TENM1: variants seen among roughly 807,000 people sequenced by gnomAD.
TENM1 encodes teneurin transmembrane protein 1.
Under a neutral mutation model 174.8 loss-of-function variants are expected in TENM1, and 35 were observed. The observed-to-expected ratio is 0.20, with a 90% CI of 0.15 to 0.27. The LOEUF (loss-of-function observed/expected upper bound fraction) is 0.27. TENM1 is among the 10% of genes least tolerant of loss of function. The probability of loss-of-function intolerance (pLI) is 1.00; values close to 1 mark genes in which losing one functional copy is unlikely to be tolerated. For missense variants in TENM1, 1,633 were observed against 2,130.1 expected (o/e 0.77, Z 4.59); for synonymous variants, 781 against 798.7 (o/e 0.98, Z 0.37).
At chrX:124,844,030 G>T (rs1195909454) in intron 3 of TENM1, among the ~76,000 whole-genome samples, 1 of 110,827 alleles carries the variant, frequency 9.0e-6, no homozygotes, top group Admixed American at 9.6e-5. Context: ...TTGTTCACAG[G>T]GGAGCCACAT....
chrX:125,188,102 G>A, the TENM1 span, among the ~76,000 whole-genome samples: 1 of 111,727 alleles, frequency 9.0e-6, no homozygotes, highest in African/African-American at 3.3e-5. Context: ...AGGCCAAGGT[G>A]AGAGGATCGT....
the TENM1 span, among the ~76,000 whole-genome samples, chrX:125,105,104 A>G: frequency 4.5e-5 from 5 of 111,952 alleles, no homozygotes; most frequent in Admixed American, 4.8e-4. Flanking sequence ...TTTGATGATA[A>G]AATTAGATTG....
chrX:124,586,254 A>G (rs2049509014), intron 11 of TENM1, among the ~76,000 whole-genome samples: 1 of 111,168 alleles, frequency 9.0e-6, no homozygotes, highest in Non-Finnish European at 1.9e-5. Flanking sequence ...TTTTAGACCA[A>G]TATCCTTGAT....
At chrX:125,073,001 G>A in the TENM1 span, among the ~76,000 whole-genome samples, 23 of 111,005 alleles carry the variant, frequency 2.1e-4, no homozygotes, top group African/African-American at 7.5e-4. Context: ...TGCCTCAATA[G>A]GGACTCATGA....
At chrX:124,724,693 G>C (rs1280550183) in intron 4 of TENM1, among the ~76,000 whole-genome samples, 1 of 111,944 alleles carries the variant, frequency 8.9e-6, no homozygotes, top group Non-Finnish European at 1.9e-5. Context: ...CTACTCCACA[G>C]GCTGAGGTGG....
chrX:124,709,962 T>A (rs1195849891), intron 4 of TENM1, among the ~76,000 whole-genome samples: 2 of 111,409 alleles, frequency 1.8e-5, no homozygotes, highest in Non-Finnish European at 3.8e-5. Context: ...ATCCCCAGAA[T>A]GAAGAAACAA....
intron 3 of TENM1, among the ~76,000 whole-genome samples, chrX:124,859,527 G>T (rs944576145): frequency 1.9e-5 from 2 of 104,324 alleles, no homozygotes; most frequent in African/African-American, 3.6e-5. Flanking sequence ...CTGGGTGACA[G>T]GGTGAGACCC....
the TENM1 span, among the ~76,000 whole-genome samples, chrX:125,054,494 T>C: frequency 0.011 from 1,213 of 110,868 alleles, 19 homozygotes; most frequent in African/African-American, 0.036. Flanking sequence ...TTTAAGTCTG[T>C]CCAAAATATG....
intron 11 of TENM1, among the ~76,000 whole-genome samples, chrX:124,624,078 A>C: frequency 8.9e-6 from 1 of 111,982 alleles, no homozygotes; most frequent in East Asian, 2.8e-4. Flanking sequence ...TTTAATCTTC[A>C]CTACAACCTT....
intron 11 of TENM1, among the ~76,000 whole-genome samples, chrX:124,586,853 A>T (rs1471363930): frequency 2.8e-5 from 3 of 108,643 alleles, no homozygotes; most frequent in Non-Finnish European, 5.7e-5. Context: ...CAGGATACAA[A>T]ATCCATGTAC....
intron 25 of TENM1, among the ~76,000 whole-genome samples, chrX:124,413,419 A>C (rs1276495923): frequency 9.0e-6 from 1 of 111,387 alleles, no homozygotes; most frequent in African/African-American, 3.3e-5. Flanking sequence ...GAGTATAAAT[A>C]GGATGCTGCC....
chrX:124,673,354 T>C (rs1362392915), intron 5 of TENM1, among the ~76,000 whole-genome samples: 2 of 112,138 alleles, frequency 1.8e-5, no homozygotes, highest in African/African-American at 6.5e-5. Flanking sequence ...ATTCAACTTA[T>C]TAGGCAACGC....
chrX:124,750,225 A>C (rs1247494294), intron 3 of TENM1, among the ~76,000 whole-genome samples: 2 of 111,762 alleles, frequency 1.8e-5, no homozygotes, highest in Non-Finnish European at 3.8e-5. Context: ...CACAGATGTT[A>C]AGGCCTCTTC....
chrX:124,966,355 C>T (rs775075929), upstream of TENM1, among the ~76,000 whole-genome samples: 2 of 111,799 alleles, frequency 1.8e-5, no homozygotes, highest in Admixed American at 9.5e-5. Context: ...CATATTTGTG[C>T]CTCACAGCCT....
chrX:125,013,571 T>C, the TENM1 span, among the ~76,000 whole-genome samples: 1 of 111,736 alleles, frequency 8.9e-6, no homozygotes, highest in East Asian at 2.8e-4. Context: ...GGTGTTTTCA[T>C]ACTCTTCTGC....
At chrX:124,512,159 C>T (rs983261587) in intron 18 of TENM1, among the ~76,000 whole-genome samples, 2 of 111,282 alleles carry the variant, frequency 1.8e-5, no homozygotes, top group Admixed American at 9.6e-5. Context: ...AGGCGGACAT[C>T]GGGAATTATT....
chrX:124,450,318 C>A (rs1300615489), intron 23 of TENM1, among the ~76,000 whole-genome samples: 1 of 105,709 alleles, frequency 9.5e-6, no homozygotes, highest in African/African-American at 3.5e-5. Context: ...CGAGATTGCG[C>A]CACTGCACTC....
chrX:125,076,697 C>T, the TENM1 span, among the ~76,000 whole-genome samples: 2 of 111,803 alleles, frequency 1.8e-5, no homozygotes, highest in East Asian at 2.8e-4. Context: ...GTTTACTAGA[C>T]GCTCTCAGTT....
the TENM1 span, among the ~76,000 whole-genome samples, chrX:124,993,312 C>T: frequency 2.7e-5 from 3 of 110,698 alleles, no homozygotes; most frequent in East Asian, 2.8e-4. Flanking sequence ...GGGTATGATT[C>T]GATTAAAATT....
Sources: gnomAD v4.1 joint callset for allele counts (sites outside exome capture counted in the v4.1 genomes callset) on GRCh38, gnomAD v4.1.1 for gene constraint, MANE v1.5 for transcripts, NCBI Gene and HGNC (gene_info 2026-07-23, HGNC 2026-07-21) for gene names.